The following CLASP1 variants were observed in gnomAD, a reference collection of about 807,000 sequenced individuals.
CLASP1 encodes CLIP-associating protein 1.
CLASP1 carries 38 observed loss-of-function variants against 192.3 expected under a neutral mutation model. The ratio of observed to expected loss-of-function variants is 0.20; its 90% CI spans 0.15 to 0.26. CLASP1 has a LOEUF of 0.26. CLASP1 is among the 10% of genes least tolerant of loss of function. CLASP1 has a pLI of 1.00. For missense variants in CLASP1, 1,433 were observed against 1,932.5 expected, an observed-to-expected ratio of 0.74 and a Z score of 4.85; for synonymous variants, 691 against 712.8, an observed-to-expected ratio of 0.97 and a Z score of 0.49.
chr2:121,632,801 C>A (rs2106246931), intron 1 of CLASP1, among the ~76,000 whole-genome samples: 1 of 151,406 alleles, frequency 6.6e-6, no homozygotes, highest in East Asian at 1.9e-4. Flanking sequence ...GAGACTGAGA[C>A]AGGAGAATCA....
At chr2:121,425,242 GCCCCCAGTAAGT>G in exon 22 of CLASP1, 1 of 1,613,354 alleles carries the variant, frequency 6.2e-7, no homozygotes, top group Non-Finnish European at 8.5e-7. Flanking sequence ...CTCGTGAGGA[GCCCCCAGTAAGT>G]CCACCATAAC....
At chr2:121,560,554 C>T (rs1235786911) in intron 2 of CLASP1, among the ~76,000 whole-genome samples, 2 of 152,178 alleles carry the variant, frequency 1.3e-5, no homozygotes, top group Non-Finnish European at 2.9e-5. Flanking sequence ...AGTCTTCTGT[C>T]TAGGTTTTCT....
At chr2:121,473,383 T>TA (rs2091097686) in intron 8 of CLASP1, among the ~76,000 whole-genome samples, 1 of 152,004 alleles carries the variant, frequency 6.6e-6, no homozygotes, top group African/African-American at 2.4e-5. Flanking sequence ...TCAGGGAACT[T>TA]AAACATATAG....
At chr2:121,616,791 T>C (rs1050032989) in intron 1 of CLASP1, among the ~76,000 whole-genome samples, 1 of 152,188 alleles carries the variant, frequency 6.6e-6, no homozygotes, top group Admixed American at 6.5e-5. Context: ...ACTGTCCCAC[T>C]CATTTTGAGG....
At chr2:121,445,704 A>C (rs1409163220) in intron 19 of CLASP1, among the ~76,000 whole-genome samples, 1 of 152,196 alleles carries the variant, frequency 6.6e-6, no homozygotes, top group Non-Finnish European at 1.5e-5. Flanking sequence ...TCGTTCTTTG[A>C]AGAGGTTAAT....
At chr2:121,585,484 C>T (rs549179911) in intron 2 of CLASP1, among the ~76,000 whole-genome samples, 4 of 152,230 alleles carry the variant, frequency 2.6e-5, no homozygotes, top group Admixed American at 6.5e-5. Flanking sequence ...CCTTTGCCAG[C>T]GTTCCCATTT....
In CLASP1 at chr2:121,504,202, A is replaced by G. The variant is rs1559460466; in HGVS notation, c.645-968T>C. ...AGCCGAGACCGTGCCACTGCACTCC[A>G]GCCTGGGCAACAAGAGCGAAACTCC... On this transcript the variant is annotated intron_variant, in intron 7 of 39. Transcript: ENST00000263710. 2.0e-5 allele frequency among the ~76,000 whole-genome samples: 3 copies of G among 151,552 alleles called. No homozygotes were observed. In the East Asian group the frequency reaches 5.8e-4, roughly 29 times the overall value.
chr2:121,457,601 T>G, intron 14 of CLASP1, 86 bp downstream of exon 14: 1 of 1,019,484 alleles, frequency 9.8e-7, no homozygotes, highest in South Asian at 1.4e-5. Context: ...ATGTTATACA[T>G]GAAATTTTAT....
chr2:121,562,461 C>T (rs1364449366), intron 2 of CLASP1, among the ~76,000 whole-genome samples: 5 of 152,308 alleles, frequency 3.3e-5, no homozygotes. Context: ...TTTATCTAGT[C>T]ATCCAGCAAA....
At chr2:121,370,774 A>C (rs2149282898) in intron 34 of CLASP1, among the ~76,000 whole-genome samples, 1 of 151,788 alleles carries the variant, frequency 6.6e-6, no homozygotes, top group South Asian at 2.1e-4. Context: ...CCCCCACTCC[A>C]CCTGTCCCTA....
intron 34 of CLASP1, among the ~76,000 whole-genome samples, chr2:121,374,650 T>A (rs1417202278): frequency 2.0e-5 from 3 of 152,238 alleles, no homozygotes; most frequent in Non-Finnish European, 4.4e-5. Flanking sequence ...GGGAGCCTAC[T>A]CCTTGCATCA....
intron 37 of CLASP1, among the ~76,000 whole-genome samples, chr2:121,358,097 G>A (rs1341599035): frequency 6.6e-6 from 1 of 152,220 alleles, no homozygotes; most frequent in Non-Finnish European, 1.5e-5. Flanking sequence ...AGTTTGTGCT[G>A]TTAGTATGAC....
Position 121,407,733 on chromosome 2 carries a change from G to GC in CLASP1, c.2425-19_2425-18insG, listed in dbSNP as rs1458010166. ...GGCTTCTTCTGACAGGTCCAATGAG[G>GC]GATGGGAGTGATTGAGGAAGAAATA... On this transcript the variant is annotated intron_variant, in intron 24 of 39. Transcript: ENST00000263710. The GC allele has an allele frequency of 6.2e-7, 1 of 1,613,736 alleles. No individual in the cohort carries two copies. Among genetic ancestry groups the GC allele is most frequent in the South Asian group, 1.1e-5 (1 of 91,034 alleles).
intron 2 of CLASP1, among the ~76,000 whole-genome samples, chr2:121,561,778 C>T (rs1042698428): frequency 1.3e-5 from 2 of 152,090 alleles, no homozygotes; most frequent in African/African-American, 4.8e-5. Context: ...AAGGATGGTG[C>T]AAGTATTTAA....
chr2:121,638,555 G>A (rs2071348054), intron 1 of CLASP1, among the ~76,000 whole-genome samples: 2 of 152,040 alleles, frequency 1.3e-5, no homozygotes, highest in African/African-American at 4.8e-5. Flanking sequence ...ATTCACAATA[G>A]CCAAAGAGCA....
intron 9 of CLASP1, among the ~76,000 whole-genome samples, chr2:121,468,584 G>C (rs980964041): frequency 1.3e-5 from 2 of 152,114 alleles, no homozygotes; most frequent in Non-Finnish European, 2.9e-5. Context: ...CTTGCCTGGT[G>C]TTGATGTACA....
intron 1 of CLASP1, among the ~76,000 whole-genome samples, chr2:121,610,272 A>G (rs909702041): frequency 2.7e-5 from 4 of 147,614 alleles, no homozygotes; most frequent in Non-Finnish European, 4.5e-5. Context: ...TACAGGAGGA[A>G]GAGAAACTGG....
intron 8 of CLASP1, among the ~76,000 whole-genome samples, chr2:121,485,423 A>G (rs2092905173): frequency 6.6e-6 from 1 of 152,212 alleles, no homozygotes; most frequent in African/African-American, 2.4e-5. Flanking sequence ...AACTGCAGAT[A>G]ACTGAATATA....
At chr2:121,576,531 C>T (rs1350440964) in intron 2 of CLASP1, among the ~76,000 whole-genome samples, 1 of 152,116 alleles carries the variant, frequency 6.6e-6, no homozygotes, top group East Asian at 1.9e-4. Context: ...AGATTTGAAA[C>T]CAGCCACTTC....
Sources: allele counts gnomAD v4.1 joint callset (sites outside exome capture counted in the v4.1 genomes callset), GRCh38; gene constraint gnomAD v4.1.1; transcripts MANE v1.5; gene names NCBI Gene and HGNC (gene_info 2026-07-23, HGNC 2026-07-21).